The following ARHGAP35 variants were observed in gnomAD, a reference collection of about 807,000 sequenced individuals.
ARHGAP35 encodes the protein Rho GTPase activating protein 35.
A neutral mutation model predicts 111.1 loss-of-function variants in ARHGAP35; 15 were observed. The observed-to-expected ratio is 0.13, with a 90% CI of 0.09 to 0.21. The LOEUF (loss-of-function observed/expected upper bound fraction) is 0.21. ARHGAP35 is among the 10% of genes least tolerant of loss of function. The pLI, the probability that ARHGAP35 is intolerant of heterozygous loss-of-function variation, is 1.00. For missense variants in ARHGAP35, 1,262 were observed against 1,873.0 expected, an observed-to-expected ratio of 0.67 and a Z score of 6.02; for synonymous variants, 643 against 710.3, an observed-to-expected ratio of 0.91 and a Z score of 1.51.
At chr19:46,954,959 G>A (rs1476388230) in intron 3 of ARHGAP35, among the ~76,000 whole-genome samples, 1 of 152,202 alleles carries the variant, frequency 6.6e-6, no homozygotes, top group East Asian at 1.9e-4. Flanking sequence ...GCTATCTGTG[G>A]AGAGCACTTA....
intron 3 of ARHGAP35, among the ~76,000 whole-genome samples, chr19:46,982,343 G>A (rs935498646): frequency 6.6e-6 from 1 of 152,082 alleles, no homozygotes; most frequent in African/African-American, 2.4e-5. Flanking sequence ...CAGGTGCAGT[G>A]GCAGGCGCCT....
chr19:46,974,106 C>T (rs2056567290), intron 3 of ARHGAP35, among the ~76,000 whole-genome samples: 1 of 152,196 alleles, frequency 6.6e-6, no homozygotes, highest in Non-Finnish European at 1.5e-5. Context: ...GCAATCCTCC[C>T]ACCTCAGCTT....
chr19:46,881,933 A>G (rs942304418), intron 1 of ARHGAP35, among the ~76,000 whole-genome samples: 2 of 151,776 alleles, frequency 1.3e-5, no homozygotes, highest in African/African-American at 4.8e-5. Flanking sequence ...CATCTTGCAC[A>G]TTTATGTTAT....
chr19:46,955,963 C>T, intron 3 of ARHGAP35, among the ~76,000 whole-genome samples: 1 of 152,182 alleles, frequency 6.6e-6, no homozygotes. Flanking sequence ...CAAATCTGAA[C>T]ATTTTTCAGC....
chr19:46,883,281 G>A (rs1392491003), intron 1 of ARHGAP35, among the ~76,000 whole-genome samples: 2 of 148,238 alleles, frequency 1.3e-5, no homozygotes, highest in Non-Finnish European at 3.0e-5. Context: ...TTTTTTGTTA[G>A]TAGAGACAGG....
intron 1 of ARHGAP35, among the ~76,000 whole-genome samples, chr19:46,909,271 C>A (rs2056126120): frequency 6.6e-6 from 1 of 152,106 alleles, no homozygotes; most frequent in African/African-American, 2.4e-5. Context: ...CCACCGCACT[C>A]CAGCCTGGGG....
At chr19:46,958,877 T>G (rs975156100) in intron 3 of ARHGAP35, among the ~76,000 whole-genome samples, 37 of 152,292 alleles carry the variant, frequency 2.4e-4, no homozygotes, top group Non-Finnish European at 4.4e-5. Flanking sequence ...CATTTGGCCG[T>G]TTTTACTCAT....
At chr19:46,866,568 G>C (rs1251958433) in intron 1 of ARHGAP35, among the ~76,000 whole-genome samples, 1 of 152,134 alleles carries the variant, frequency 6.6e-6, no homozygotes, top group African/African-American at 2.4e-5. Flanking sequence ...GTAGATTCTT[G>C]TTGTCCTGGG....
chr19:46,937,430 A>G (rs200823924), intron 3 of ARHGAP35, 22 bp downstream of exon 3: 113 of 1,612,422 alleles, frequency 7.0e-5, no homozygotes, highest in Non-Finnish European at 9.0e-5. Context: ...ACCTCATAGC[A>G]GTTTATAACT....
intron 3 of ARHGAP35, among the ~76,000 whole-genome samples, chr19:46,950,380 G>A (rs2056404548): frequency 6.6e-6 from 1 of 152,200 alleles, no homozygotes; most frequent in African/African-American, 2.4e-5. Flanking sequence ...GTGCTGCTGT[G>A]AACATTCCTG....
At chr19:46,916,125 G>A (rs964250423) in intron 1 of ARHGAP35, among the ~76,000 whole-genome samples, 2 of 152,000 alleles carry the variant, frequency 1.3e-5, no homozygotes, top group South Asian at 4.2e-4. Context: ...CAGTGGAGAC[G>A]GGGTTTCACC....
chr19:46,883,261 A>AT (rs532740072), intron 1 of ARHGAP35, among the ~76,000 whole-genome samples: 43,723 of 144,824 alleles, frequency 0.3, 6,520 homozygotes, highest in Middle Eastern at 0.43. Flanking sequence ...TGCCTGGCTA[A>AT]TTTTTTTTTT....
intron 3 of ARHGAP35, among the ~76,000 whole-genome samples, chr19:46,972,172 C>T (rs755849967): frequency 3.2e-4 from 49 of 152,276 alleles, no homozygotes; most frequent in South Asian, 8.3e-4. Flanking sequence ...GCACGCCAGG[C>T]TACTTTTTGT....
At chr19:46,957,295 ACCAT>A (rs772325934) in intron 3 of ARHGAP35, among the ~76,000 whole-genome samples, 2 of 152,084 alleles carry the variant, frequency 1.3e-5, no homozygotes, top group African/African-American at 2.4e-5. Flanking sequence ...TTCAAATGGT[ACCAT>A]CCTTCATCAT....
At chr19:46,925,840 G>A (rs1234225512) in intron 2 of ARHGAP35, among the ~76,000 whole-genome samples, 1 of 152,174 alleles carries the variant, frequency 6.6e-6, no homozygotes, top group Admixed American at 6.5e-5. Flanking sequence ...TGAACACCGG[G>A]CGTAGTGCAT....
intron 1 of ARHGAP35, among the ~76,000 whole-genome samples, chr19:46,885,603 A>G (rs1158116420): frequency 6.6e-6 from 1 of 152,094 alleles, no homozygotes; most frequent in East Asian, 1.9e-4. Flanking sequence ...AACCTTGATC[A>G]TTGGGAAATG....
chr19:46,964,206 ATAAATT>A (rs993436152), intron 3 of ARHGAP35, among the ~76,000 whole-genome samples: 10 of 152,148 alleles, frequency 6.6e-5, no homozygotes, highest in Admixed American at 1.3e-4. Context: ...CAAGATTATT[ATAAATT>A]TAAATTTAAA....
intron 1 of ARHGAP35, among the ~76,000 whole-genome samples, chr19:46,874,341 A>T (rs1367661328): frequency 1.3e-5 from 2 of 152,158 alleles, no homozygotes; most frequent in African/African-American, 2.4e-5. Context: ...AAAATTTAGA[A>T]GGCCAGTGGC....
rs1160280765 is a variant in ARHGAP35 at position 46,926,897 on chromosome 19, G to T, written c.3681+4541G>T. 6.6e-6 allele frequency among the ~76,000 whole-genome samples: 1 copy of T among 152,190 alleles called. No homozygotes were observed. The highest frequency in any genetic ancestry group is 2.4e-5 in the African/African-American group (1 of 41,436). ...AGAATGGAGTTAAAGTTTCTAGTGT[G>T]AATAAAAACCAGCTGGGGAATTGGA... On this transcript the variant is annotated intron_variant, in intron 2 of 6. Transcript: ENST00000672722. The surrounding 1 kb of genome is among the most constrained non-coding windows in gnomAD (Gnocchi z 4.1).
Sources: allele counts gnomAD v4.1 joint callset (sites outside exome capture counted in the v4.1 genomes callset), GRCh38; gene constraint gnomAD v4.1.1; non-coding constraint Gnocchi (gnomAD v3.1); transcripts MANE v1.5; gene names NCBI Gene and HGNC (gene_info 2026-07-23, HGNC 2026-07-21).